Variants in KLF12 observed in about 807,000 individuals in gnomAD.
The protein encoded by KLF12 is Krueppel-like factor 12.
Under a neutral mutation model 37.8 loss-of-function variants are expected in KLF12, and 9 were observed. That is an observed-to-expected ratio of 0.24 (90% confidence interval 0.14 to 0.42). KLF12 has a LOEUF of 0.42. KLF12 is among the 10% of genes least tolerant of loss of function. The probability of loss-of-function intolerance (pLI) is 1.00; values close to 1 mark genes in which losing one functional copy is unlikely to be tolerated. For missense variants in KLF12, 411 were observed against 516.0 expected (o/e 0.80, Z 1.97); for synonymous variants, 208 against 202.1 (o/e 1.03, Z -0.25).
At chr13:73,706,583 C>A (rs1172100472) in intron 7 of KLF12, among the ~76,000 whole-genome samples, 2 of 152,154 alleles carry the variant, frequency 1.3e-5, no homozygotes, top group Admixed American at 1.3e-4. Context: ...ATTTTGTTAC[C>A]AATCCAAATT....
At chr13:73,740,362 G>A (rs569376243) in intron 6 of KLF12, among the ~76,000 whole-genome samples, 1 of 152,214 alleles carries the variant, frequency 6.6e-6, no homozygotes, top group South Asian at 2.1e-4. Context: ...CCAGAACCAC[G>A]ACAAATAAAT....
intron 1 of KLF12, among the ~76,000 whole-genome samples, chr13:74,132,281 T>C (rs1878302936): frequency 6.6e-6 from 1 of 152,192 alleles, no homozygotes; most frequent in African/African-American, 2.4e-5. Context: ...CATTTACTTA[T>C]CTAAACAACT....
chr13:73,896,287 G>A (rs7991610), intron 3 of KLF12, among the ~76,000 whole-genome samples: 86,982 of 152,058 alleles, frequency 0.57, 26,031 homozygotes, highest in African/African-American at 0.74. Flanking sequence ...ATATTGAACA[G>A]TTAGTTGCCA....
intron 5 of KLF12, among the ~76,000 whole-genome samples, chr13:73,781,086 C>T (rs1594083835): frequency 6.6e-6 from 1 of 152,236 alleles, no homozygotes; most frequent in African/African-American, 2.4e-5. Flanking sequence ...ATGAGTCAGT[C>T]TTCAGAGGGT....
the KLF12 span, among the ~76,000 whole-genome samples, chr13:74,293,571 G>T: frequency 6.6e-6 from 1 of 152,158 alleles, no homozygotes; most frequent in East Asian, 1.9e-4. Flanking sequence ...CTCTTTCTCA[G>T]TCCATCATAA....
chr13:74,277,154 CA>C, the KLF12 span, among the ~76,000 whole-genome samples: 1 of 152,178 alleles, frequency 6.6e-6, no homozygotes, highest in Non-Finnish European at 1.5e-5. Flanking sequence ...CTTTTACTAT[CA>C]AATGATTATA....
chr13:73,699,158 C>T (rs1474252046), intron 7 of KLF12, among the ~76,000 whole-genome samples: 1 of 151,546 alleles, frequency 6.6e-6, no homozygotes, highest in Non-Finnish European at 1.5e-5. Context: ...GCCAGGAGTT[C>T]GAGATCATCC....
chr13:74,052,248 C>T (rs1872969348), intron 1 of KLF12, among the ~76,000 whole-genome samples: 2 of 152,062 alleles, frequency 1.3e-5, no homozygotes, highest in South Asian at 4.2e-4. Context: ...TCCATGTGCC[C>T]ATCATTTGGC....
chr13:74,134,369 G>C (rs1351058987), upstream of KLF12, among the ~76,000 whole-genome samples: 1 of 151,726 alleles, frequency 6.6e-6, no homozygotes, highest in Non-Finnish European at 1.5e-5. Flanking sequence ...CCCCCGAGCC[G>C]CTCCGCCCGA....
At position 73,810,982 on chromosome 13, in the gene KLF12, C is replaced by CTTTCTTTTTTTTTTTTTTTTTTT. The variant is rs1555308731; in HGVS notation, c.806+2169_806+2170insAAAAAAAAAAAAAAAAAAAGAAA. On this transcript the variant is annotated intron_variant, in intron 5 of 7. Coordinates refer to ENST00000377669, the MANE Select transcript of KLF12 (RefSeq NM_007249.5). ...ATGTTTATTTTTTTAATTTTTCTTT[C>CTTTCTTTTTTTTTTTTTTTTTTT]TTTTTTTTTTTTTTTTTTTTTTTTT... Among the ~76,000 whole-genome samples, 14 of 44,808 alleles carry CTTTCTTTTTTTTTTTTTTTTTTT rather than the reference C, an allele frequency of 3.1e-4. 1 individual carries two copies. The highest frequency in any genetic ancestry group is 9.3e-4 in the African/African-American group (11 of 11,860). 29.4% of individuals were successfully genotyped at this position (44,808 alleles called of 152,430 possible). A position where few individuals can be genotyped will look rare whatever the true frequency, so the allele number is the denominator to read the frequency against.
intron 3 of KLF12, among the ~76,000 whole-genome samples, chr13:73,849,313 A>C (rs529956956): frequency 7.1e-5 from 10 of 140,136 alleles, no homozygotes; most frequent in African/African-American, 2.4e-4. Context: ...CAGGAGGTGG[A>C]GGCTGCAGTG....
intron 1 of KLF12, among the ~76,000 whole-genome samples, chr13:74,037,583 T>C (rs970975001): frequency 3.9e-5 from 6 of 152,244 alleles, no homozygotes; most frequent in African/African-American, 1.4e-4. Flanking sequence ...TCATTAATAC[T>C]GTGGATCCCA....
At chr13:73,704,163 G>A (rs751158016) in intron 7 of KLF12, among the ~76,000 whole-genome samples, 8 of 151,534 alleles carry the variant, frequency 5.3e-5, no homozygotes, top group Admixed American at 1.3e-4. Context: ...CTTCTCGCGT[G>A]GCAGGTGTTC....
At chr13:74,256,668 T>G in the KLF12 span, among the ~76,000 whole-genome samples, 1 of 147,366 alleles carries the variant, frequency 6.8e-6, no homozygotes, top group Non-Finnish European at 1.5e-5. Flanking sequence ...CTTTTATTAG[T>G]GGAAAACTCT....
At chr13:74,179,235 C>T in the KLF12 span, among the ~76,000 whole-genome samples, 3 of 152,132 alleles carry the variant, frequency 2.0e-5, no homozygotes, top group Non-Finnish European at 4.4e-5. Flanking sequence ...GTAGTGAAAG[C>T]CCATTTGGAC....
At chr13:73,924,297 GGCAACCCT>G (rs202121302) in intron 3 of KLF12, among the ~76,000 whole-genome samples, 2,046 of 152,196 alleles carry the variant, frequency 0.013, 20 homozygotes, top group Middle Eastern at 0.034. Context: ...TTAGGTTTAG[GGCAACCCT>G]GCATTTAGAA....
At chr13:73,797,557 G>A (rs1410427280) in intron 5 of KLF12, among the ~76,000 whole-genome samples, 23 of 152,016 alleles carry the variant, frequency 1.5e-4, no homozygotes, top group Admixed American at 1.2e-3. Context: ...ATCACTTGAG[G>A]CCACGATTTC....
intron 5 of KLF12, among the ~76,000 whole-genome samples, chr13:73,785,990 C>T (rs1243271109): frequency 1.3e-5 from 2 of 152,134 alleles, no homozygotes; most frequent in Non-Finnish European, 2.9e-5. Flanking sequence ...GAGGCCTTTG[C>T]AACTAAGCTT....
chr13:74,109,650 T>G (rs748282047), intron 1 of KLF12, among the ~76,000 whole-genome samples: 1 of 152,182 alleles, frequency 6.6e-6, no homozygotes, highest in Non-Finnish European at 1.5e-5. Context: ...AAATCTATAC[T>G]TGATTGTAAT....
Sources: gnomAD v4.1 joint callset for allele counts (sites outside exome capture counted in the v4.1 genomes callset) on GRCh38, gnomAD v4.1.1 for gene constraint, MANE v1.5 for transcripts, NCBI Gene and HGNC (gene_info 2026-07-23, HGNC 2026-07-21) for gene names.